ZNF469: variants seen among roughly 807,000 people sequenced by gnomAD.
ZNF469 encodes the protein zinc finger protein 469.
Under a neutral mutation model 1.0 loss-of-function variants are expected in ZNF469, and 1 was observed. That is an observed-to-expected ratio of 1.00 (90% CI 0.35 to 4.73). ZNF469 has a LOEUF of 4.73. ZNF469 is among the 30% of genes most tolerant of loss of function. The pLI is 0.16. For synonymous variants in ZNF469, 2,703 were observed against 2,363.4 expected, an observed-to-expected ratio of 1.14 and a Z score of -4.17; for missense variants, 6,100 against 5,356.3, an observed-to-expected ratio of 1.14 and a Z score of -4.33.
the ZNF469 span, among the ~76,000 whole-genome samples, chr16:88,351,704 C>T: frequency 6.6e-6 from 1 of 152,120 alleles, no homozygotes; most frequent in East Asian, 1.9e-4. Flanking sequence ...CCCCCACCGC[C>T]GGCAGCAGGC....
the ZNF469 span, among the ~76,000 whole-genome samples, chr16:88,228,928 G>A: frequency 3.9e-5 from 6 of 152,174 alleles, no homozygotes; most frequent in African/African-American, 1.4e-4. Flanking sequence ...CAGCAGCATC[G>A]GGCAGAAGCC....
chr16:88,114,536 G>C, the ZNF469 span, among the ~76,000 whole-genome samples: 34 of 152,354 alleles, frequency 2.2e-4, no homozygotes, highest in Admixed American at 8.5e-4. Context: ...GGTGAGATTG[G>C]ATCAGGGAAC....
the ZNF469 span, among the ~76,000 whole-genome samples, chr16:88,183,878 C>A: frequency 6.6e-6 from 1 of 152,082 alleles, no homozygotes; most frequent in African/African-American, 2.4e-5. Flanking sequence ...GACAGGGAAG[C>A]GTCCCTGGAG....
chr16:88,113,578 C>T, the ZNF469 span, among the ~76,000 whole-genome samples: 2 of 152,186 alleles, frequency 1.3e-5, no homozygotes, highest in African/African-American at 4.8e-5. Flanking sequence ...TACCTCCAGC[C>T]CTGGGGAAGG....
the ZNF469 span, among the ~76,000 whole-genome samples, chr16:88,339,191 G>T: frequency 2.2e-5 from 3 of 139,500 alleles, no homozygotes; most frequent in African/African-American, 8.2e-5. Flanking sequence ...GGTGGCAGGG[G>T]GATGTGGGGA....
chr16:88,340,208 G>C, the ZNF469 span, among the ~76,000 whole-genome samples: 2 of 152,318 alleles, frequency 1.3e-5, no homozygotes, highest in South Asian at 4.1e-4. Context: ...GGCAGCTTAA[G>C]GAGTTCACCT....
At chr16:88,145,249 G>A in the ZNF469 span, among the ~76,000 whole-genome samples, 3 of 152,120 alleles carry the variant, frequency 2.0e-5, no homozygotes, top group South Asian at 6.2e-4. Flanking sequence ...GCAGTCAACC[G>A]ACTAGCATTT....
intron 2 of ZNF469, among the ~76,000 whole-genome samples, chr16:88,426,145 C>T (rs1172270558): frequency 6.6e-6 from 1 of 152,236 alleles, no homozygotes; most frequent in Admixed American, 6.5e-5. Context: ...GGAGGCAGCC[C>T]CCGCCTCCAC....
the ZNF469 span, among the ~76,000 whole-genome samples, chr16:88,145,887 G>A: frequency 6.6e-6 from 1 of 152,244 alleles, no homozygotes; most frequent in Non-Finnish European, 1.5e-5. Flanking sequence ...AGTGGTGAGT[G>A]TCCTGATGGG....
the ZNF469 span, among the ~76,000 whole-genome samples, chr16:88,219,733 C>T: frequency 1.3e-4 from 20 of 152,204 alleles, no homozygotes; most frequent in Admixed American, 1.3e-3. Flanking sequence ...TCCCTGGGGC[C>T]TTCCATATAT....
chr16:88,130,706 CAAAAAA>C, the ZNF469 span, among the ~76,000 whole-genome samples: 2 of 103,446 alleles, frequency 1.9e-5, no homozygotes, highest in Non-Finnish European at 4.2e-5. Context: ...AACTCTGTGT[CAAAAAA>C]AAAAAAAAAA....
Position 88,428,035 on chromosome 16 carries a change from T to C in ZNF469, c.565T>C (p.Ser189Pro). Reference sequence around the variant, plus strand: ...CCACAGGTGCTTCCAGGAGCCACCCTCCAGCTTTACCTCCACCAACTATAC... The same window carrying C: ...CCACAGGTGCTTCCAGGAGCCACCCCCCAGCTTTACCTCCACCAACTATAC... The part of the protein sequence containing the change: ...GFHRCFQEPP[S>P]SFTSTNYTSP... The change falls in exon 3 of 3, where the codon TCC (serine) becomes CCC (proline). Residue 189 changes from serine (S) to proline (P), a missense_variant. Transcript: ENST00000565624. 6.5e-7 allele frequency: 1 copy of C among 1,549,790 alleles called. No homozygotes were observed. The highest frequency in any genetic ancestry group is 8.7e-7 in the Non-Finnish European group (1 of 1,146,836).
intron 1 of ZNF469, among the ~76,000 whole-genome samples, chr16:88,393,770 A>G (rs1904553825): frequency 6.6e-6 from 1 of 152,246 alleles, no homozygotes; most frequent in Non-Finnish European, 1.5e-5. Flanking sequence ...TCTGAAAGGC[A>G]GAGGCCAGGG....
At chr16:88,418,932 C>T (rs1014902998) in intron 1 of ZNF469, among the ~76,000 whole-genome samples, 14 of 152,236 alleles carry the variant, frequency 9.2e-5, no homozygotes, top group Admixed American at 7.9e-4. Flanking sequence ...GGACTACAGA[C>T]GGGAGGCCCC....
Position 88,438,764 on chromosome 16 carries a change from C to T in ZNF469, c.11294C>T (p.Pro3765Leu). 1 of 1,550,156 alleles carries T rather than the reference C, an allele frequency of 6.5e-7. No homozygotes were observed. ...GQLQSETATT[P>L]AKPSFPSRSP... ...CTCCAGAGCGAGACAGCCACCACCC[C>T]AGCCAAGCCCAGCTTCCCCAGCCGG... is the stretch of plus-strand genomic sequence containing the variant. The change falls in exon 3 of 3, where the codon CCA becomes CTA. Residue 3765 changes from proline (P) to leucine (L), a missense_variant. Pro to Leu is a moderately conservative substitution (Grantham distance 98). Transcript: ENST00000565624.
At chr16:88,234,448 C>T in the ZNF469 span, among the ~76,000 whole-genome samples, 2 of 152,336 alleles carry the variant, frequency 1.3e-5, no homozygotes, top group South Asian at 2.1e-4. Flanking sequence ...ACGCTGAGGA[C>T]GAAGCCAGGG....
At chr16:88,159,172 C>T in the ZNF469 span, among the ~76,000 whole-genome samples, 1 of 115,486 alleles carries the variant, frequency 8.7e-6, no homozygotes, top group African/African-American at 2.8e-5. Flanking sequence ...ATGTGGACCA[C>T]TCACTGTCCT....
chr16:88,341,792 G>GC, the ZNF469 span, among the ~76,000 whole-genome samples: 2 of 152,214 alleles, frequency 1.3e-5, no homozygotes, highest in South Asian at 2.1e-4. Flanking sequence ...GCTGGGGGCT[G>GC]CCATGCCCAG....
the ZNF469 span, among the ~76,000 whole-genome samples, chr16:88,247,597 CGAGT>C: frequency 0.2 from 26,599 of 135,938 alleles, 2,538 homozygotes; most frequent in East Asian, 0.43. Context: ...ACTGAGTGAA[CGAGT>C]GAGTGAGTGA....
Sources: allele counts gnomAD v4.1 joint callset (sites outside exome capture counted in the v4.1 genomes callset), GRCh38; gene constraint gnomAD v4.1.1; transcripts MANE v1.5; gene names NCBI Gene and HGNC (gene_info 2026-07-23, HGNC 2026-07-21).